ASB18: variants seen among roughly 807,000 people sequenced by gnomAD.
ASB18 encodes the protein ankyrin repeat and SOCS box containing 18.
Under a neutral mutation model 33.4 loss-of-function variants are expected in ASB18, and 33 were observed. The observed-to-expected ratio is 0.99, with a 90% CI of 0.75 to 1.32. The LOEUF (loss-of-function observed/expected upper bound fraction) is 1.32, where lower values mean the gene tolerates loss of function less well. Among genes scored for constraint, ASB18 ranks in the 40% most tolerant of loss-of-function variants. ASB18 has a pLI of 0.00. For synonymous variants in ASB18, 295 were observed against 307.6 expected (o/e 0.96, Z 0.43); for missense variants, 694 against 655.5 (o/e 1.06, Z -0.64).
At position 236,220,736 on chromosome 2, in the gene ASB18, A is replaced by G. The variant is rs10803648; in HGVS notation, c.597-5870T>C. Among the ~76,000 whole-genome samples, 28,330 of 151,826 alleles carry G rather than the reference A, an allele frequency of 0.19. 3,046 individuals are homozygous for G. Among genetic ancestry groups the G allele is most frequent in the Middle Eastern group, 0.29 (85 of 292 alleles). ...CCCACTGTCAGTCACACACCCCTCCACTGCCCCTTCCCACTGGTTTTATTT... is the reference window on the plus strand; with the variant it reads ...CCCACTGTCAGTCACACACCCCTCCGCTGCCCCTTCCCACTGGTTTTATTT... On this transcript the variant is annotated intron_variant, in intron 3 of 5. Transcript: ENST00000409749. The surrounding 1 kb of genome is among the most constrained non-coding windows in gnomAD (Gnocchi z 5.1).
rs77388573 is a variant in ASB18 at position 236,216,999 on chromosome 2, C to T, written c.597-2133G>A. 4.9e-3 allele frequency among the ~76,000 whole-genome samples: 739 copies of T among 152,306 alleles called. 10 individuals are homozygous for T. Among genetic ancestry groups the T allele is most frequent in the African/African-American group, 0.017 (714 of 41,580 alleles). ...CGCTGCACGTGATGGCCCACACAGT[C>T]CCATCTTTCCTTCCTCTTGGAAGCC... On this transcript the variant is annotated intron_variant, in intron 3 of 5. Transcript: ENST00000409749. This position sits in a 1 kb window ranked among gnomAD's most constrained non-coding sequence, Gnocchi z 6.1.
rs2060361993 is a variant in ASB18 at position 236,194,533 on chromosome 2, C to T, written c.*339G>A. Among the ~76,000 whole-genome samples, 1 of 152,246 alleles carries T rather than the reference C, an allele frequency of 6.6e-6. No homozygotes were observed. On this transcript the variant is annotated 3_prime_UTR_variant, in exon 6 of 6. Transcript: ENST00000409749. This position sits in a 1 kb window ranked among gnomAD's most constrained non-coding sequence, Gnocchi z 4.5. ...TTGTTATACCTCATTTAGCTTAAAG[C>T]TGGTTCCCTAGAACCTATCGAAGAC...
rs116960506 is a variant in ASB18 at position 236,211,670 on chromosome 2, C to T, written c.1101+2692G>A. 7.1e-3 allele frequency among the ~76,000 whole-genome samples: 1,079 copies of T among 152,314 alleles called. 38 individuals are homozygous for T. Among genetic ancestry groups the T allele is most frequent in the Admixed American group, 0.056 (856 of 15,298 alleles). Reference sequence around the variant, plus strand: ...GCTGCAGCGTCTGTTGCTTTGATGTCGCACATGATTAGATGCCGTCCCTGG... The same window carrying T: ...GCTGCAGCGTCTGTTGCTTTGATGTTGCACATGATTAGATGCCGTCCCTGG... On this transcript the variant is annotated intron_variant, in intron 4 of 5. Transcript: ENST00000409749. This position sits in a 1 kb window ranked among gnomAD's most constrained non-coding sequence, Gnocchi z 5.0.
rs1221932735 is a variant in ASB18, at chr2:236,237,284, C to G, written c.596+405G>C. Among the ~76,000 whole-genome samples the G allele has an allele frequency of 6.6e-6, 1 of 151,764 alleles. No individual in the cohort carries two copies. The highest frequency in any genetic ancestry group is 2.4e-5 in the African/African-American group (1 of 41,424). ...GGGCTGTGATCACCGCGCTCATTAC[C>G]TCGGCGTGGCGCCTCCCGCGCGCGC... On this transcript the variant is annotated intron_variant, in intron 3 of 5. Coordinates refer to ENST00000409749, the MANE Select transcript of ASB18 (RefSeq NM_212556.4). The surrounding 1 kb of genome is among the most constrained non-coding windows in gnomAD (Gnocchi z 6.2).
rs2060482277 is a variant in ASB18 at position 236,215,177 on chromosome 2, G to A, written c.597-311C>T. Among the ~76,000 whole-genome samples, 1 of 152,098 alleles carries A rather than the reference G, an allele frequency of 6.6e-6. No homozygotes were observed. Among genetic ancestry groups the A allele is most frequent in the South Asian group, 2.1e-4 (1 of 4,832 alleles). ...GGGAAGGTGATGTGGTTCAAATGAC[G>A]GTGCTCCATGCACTGGTTACCTGAG... On this transcript the variant is annotated intron_variant, in intron 3 of 5. Coordinates refer to ENST00000409749, the MANE Select transcript of ASB18 (RefSeq NM_212556.4). This position sits in a 1 kb window ranked among gnomAD's most constrained non-coding sequence, Gnocchi z 7.2.
intron 1 of ASB18, among the ~76,000 whole-genome samples, chr2:236,243,972 T>A (rs1287229969): frequency 3.3e-5 from 5 of 152,096 alleles, no homozygotes; most frequent in Non-Finnish European, 7.4e-5. Flanking sequence ...GATTACAGGT[T>A]CTTGCGACCA....
rs947854008 is a variant in ASB18 at position 236,257,406 on chromosome 2, C to T, written c.205+6735G>A. The stretch of plus-strand genomic sequence containing the variant: ...GCCTGCCCTGCCGTGGGTGACCTCT[C>T]GCTTCCCATTTCTGTTTTTATTCTC... On this transcript the variant is annotated intron_variant, in intron 1 of 5. Transcript: ENST00000409749. This position sits in a 1 kb window ranked among gnomAD's most constrained non-coding sequence, Gnocchi z 5.5. Among the ~76,000 whole-genome samples the T allele has an allele frequency of 6.6e-6, 1 of 152,190 alleles. No homozygotes were observed. The highest frequency in any genetic ancestry group is 1.5e-5 in the Non-Finnish European group (1 of 68,044).
rs1347372376 is a variant in ASB18, at chr2:236,253,263, G to A, written c.205+10878C>T. 2.0e-5 allele frequency among the ~76,000 whole-genome samples: 3 copies of A among 152,346 alleles called. No individual in the cohort carries two copies. The highest frequency in any genetic ancestry group is 7.2e-5 in the African/African-American group (3 of 41,588). On this transcript the variant is annotated intron_variant, in intron 1 of 5. Transcript: ENST00000409749. The surrounding 1 kb of genome is among the most constrained non-coding windows in gnomAD (Gnocchi z 5.4). ...AGGGACTGCGGACTGAGGTGTTGTGGAGATGTGGCTTGGACCAGAGTTTCT... is the reference window on the plus strand; with the variant it reads ...AGGGACTGCGGACTGAGGTGTTGTGAAGATGTGGCTTGGACCAGAGTTTCT...
At chr2:236,197,763 G>A (rs903738543) in intron 4 of ASB18, among the ~76,000 whole-genome samples, 19 of 151,866 alleles carry the variant, frequency 1.3e-4, no homozygotes, top group Non-Finnish European at 8.8e-5. Context: ...CGGAGGTTGC[G>A]GTGAGCCGAG....
chr2:236,230,740 C>T lies in ASB18; in HGVS notation c.596+6949G>A, dbSNP rs907468758. ...CAACAAAAAGTTATATCTAGTAAGC[C>T]AAAAAAGGAGATAAAATGAAATCAT... On this transcript the variant is annotated intron_variant, in intron 3 of 5. Transcript: ENST00000409749. 2.1e-5 allele frequency among the ~76,000 whole-genome samples: 3 copies of T among 142,954 alleles called. No individual in the cohort carries two copies. In the Admixed American group the frequency reaches 2.1e-4, roughly 10 times the overall value. 93.8% of individuals were successfully genotyped at this position (142,954 alleles called of 152,430 possible).
At chr2:236,247,322 C>A (rs2106282956) in intron 1 of ASB18, 2 of 151,686 alleles carry the variant, frequency 1.3e-5, no homozygotes, top group African/African-American at 4.8e-5. Context: ...TTCATTCATT[C>A]ATTCAATAAG....
In ASB18 at chr2:236,203,062, C is replaced by T. The variant is rs994641554; in HGVS notation, c.1102-6677G>A. On this transcript the variant is annotated intron_variant, in intron 4 of 5. Coordinates refer to ENST00000409749, the MANE Select transcript of ASB18 (RefSeq NM_212556.4). This position sits in a 1 kb window ranked among gnomAD's most constrained non-coding sequence, Gnocchi z 6.0. ...TCCCAATTATTTGTCCCTGTTATAG[C>T]TGGGTTGTATGCTCACCACCTGTCC... is the stretch of plus-strand genomic sequence containing the variant. Among the ~76,000 whole-genome samples the T allele has an allele frequency of 6.6e-6, 1 of 151,940 alleles. No homozygotes were observed. The highest frequency in any genetic ancestry group is 1.5e-5 in the Non-Finnish European group (1 of 68,012).
At chr2:236,246,399 C>T (rs1316276123) in intron 1 of ASB18, among the ~76,000 whole-genome samples, 1 of 149,044 alleles carries the variant, frequency 6.7e-6, no homozygotes, top group East Asian at 2.0e-4. Context: ...ACTGTATGCC[C>T]CCTGAGAACT....
At position 236,238,482 on chromosome 2, in the gene ASB18, A is replaced by C. The variant is rs1475305634; in HGVS notation, c.329-526T>G. Among the ~76,000 whole-genome samples the C allele has an allele frequency of 6.6e-6, 1 of 152,166 alleles. No homozygotes were observed. The highest frequency in any genetic ancestry group is 1.5e-5 in the Non-Finnish European group (1 of 68,026). ...AAACAAACTGACCCACACATCACCA[A>C]GGTTGTTCAAGAAAAGGACTCAGAG... On this transcript the variant is annotated intron_variant, in intron 2 of 5. Transcript: ENST00000409749. The surrounding 1 kb of genome is among the most constrained non-coding windows in gnomAD (Gnocchi z 5.2).
intron 3 of ASB18, among the ~76,000 whole-genome samples, chr2:236,227,835 A>G (rs2060547976): frequency 6.6e-6 from 1 of 152,312 alleles, no homozygotes; most frequent in African/African-American, 2.4e-5. Flanking sequence ...TGCATACAAT[A>G]TATCTGACAT....
In ASB18 at chr2:236,200,195, C is replaced by T. The variant is rs1413833382; in HGVS notation, c.1102-3810G>A. 2.0e-5 allele frequency among the ~76,000 whole-genome samples: 3 copies of T among 151,864 alleles called. No individual in the cohort carries two copies. Among genetic ancestry groups the T allele is most frequent in the Non-Finnish European group, 2.9e-5 (2 of 67,954 alleles). Reference sequence around the variant, plus strand: ...AGCTCCATCTCTACTAAAAATACAACAAAATTAGCCAGGCATGGTGGTGCA... The same window carrying T: ...AGCTCCATCTCTACTAAAAATACAATAAAATTAGCCAGGCATGGTGGTGCA... On this transcript the variant is annotated intron_variant, in intron 4 of 5. Coordinates refer to ENST00000409749, the MANE Select transcript of ASB18 (RefSeq NM_212556.4). The surrounding 1 kb of genome is among the most constrained non-coding windows in gnomAD (Gnocchi z 4.2).
rs1559338392 is a variant in ASB18 at position 236,250,900 on chromosome 2, GC to G, written c.206-9499del. On this transcript the variant is annotated intron_variant, in intron 1 of 5. Coordinates refer to ENST00000409749, the MANE Select transcript of ASB18 (RefSeq NM_212556.4). This position sits in a 1 kb window ranked among gnomAD's most constrained non-coding sequence, Gnocchi z 4.1. ...ACCTCCTCTCTGAATAACAATGTTA[GC>G]ACAGCACACCTCATTTAACAAAACA... Among the ~76,000 whole-genome samples the G allele has an allele frequency of 2.6e-5, 4 of 152,188 alleles. No homozygotes were observed. Among genetic ancestry groups the G allele is most frequent in the Non-Finnish European group, 5.9e-5 (4 of 68,042 alleles).
At chr2:236,243,349 G>A (rs1382072467) in intron 1 of ASB18, among the ~76,000 whole-genome samples, 1 of 145,786 alleles carries the variant, frequency 6.9e-6, no homozygotes, top group African/African-American at 2.6e-5. Context: ...AAAAAAAAGA[G>A]TAATTACTAC....
Position 236,226,395 on chromosome 2 carries a change from C to T in ASB18, c.596+11294G>A, listed in dbSNP as rs1370369970. ...TTAAACAGCCAAAGGGAAAGACTCC[C>T]ATAGAGCGACACAGAGAAGAGAAAA... On this transcript the variant is annotated intron_variant, in intron 3 of 5. Coordinates refer to ENST00000409749, the MANE Select transcript of ASB18 (RefSeq NM_212556.4). The surrounding 1 kb of genome is among the most constrained non-coding windows in gnomAD (Gnocchi z 4.8). Among the ~76,000 whole-genome samples the T allele has an allele frequency of 6.6e-6, 1 of 151,824 alleles. No individual in the cohort carries two copies. Among genetic ancestry groups the T allele is most frequent in the Non-Finnish European group, 1.5e-5 (1 of 67,982 alleles).
Sources: allele counts gnomAD v4.1 joint callset (sites outside exome capture counted in the v4.1 genomes callset), GRCh38; gene constraint gnomAD v4.1.1; non-coding constraint Gnocchi (gnomAD v3.1); transcripts MANE v1.5; gene names NCBI Gene and HGNC (gene_info 2026-07-23, HGNC 2026-07-21).